Variants in ROS1 observed in about 807,000 individuals in gnomAD.
ROS1 encodes the protein proto-oncogene tyrosine-protein kinase ROS.
A neutral mutation model predicts 273.5 loss-of-function variants in ROS1; 263 were observed. The ratio of observed to expected loss-of-function variants is 0.96; its 90% CI spans 0.87 to 1.06. The LOEUF (loss-of-function observed/expected upper bound fraction) is 1.06. Among genes scored for constraint, ROS1 ranks in the 50% least tolerant of loss-of-function variants. ROS1 has a pLI of 0.00. For missense variants in ROS1, 2,833 were observed against 2,751.1 expected (o/e 1.03, Z -0.67); for synonymous variants, 1,008 against 954.1 (o/e 1.06, Z -1.04).
At chr6:117,415,097 C>A (rs1775239011) in intron 3 of ROS1, among the ~76,000 whole-genome samples, 1 of 152,160 alleles carries the variant, frequency 6.6e-6, no homozygotes, top group Non-Finnish European at 1.5e-5. Context: ...GCATCCTGCC[C>A]CAACACAGCT....
At chr6:117,375,229 G>A (rs1470407918) in intron 18 of ROS1, among the ~76,000 whole-genome samples, 10 of 152,228 alleles carry the variant, frequency 6.6e-5, no homozygotes, top group Non-Finnish European at 1.5e-5. Context: ...TCATAAGTGG[G>A]AGTTAGGCTG....
chr6:117,406,743 T>A (rs1774435967), intron 5 of ROS1, among the ~76,000 whole-genome samples: 1 of 152,202 alleles, frequency 6.6e-6, no homozygotes, highest in African/African-American at 2.4e-5. Context: ...GTGTTAATAG[T>A]CAATTTGGTA....
At chr6:117,305,130 G>C (rs1775007541) in intron 42 of ROS1, among the ~76,000 whole-genome samples, 1 of 152,106 alleles carries the variant, frequency 6.6e-6, no homozygotes. Flanking sequence ...CCTGATAGTA[G>C]TGTGAGAATG....
intron 5 of ROS1, among the ~76,000 whole-genome samples, chr6:117,405,973 C>T (rs372264143): frequency 1.1e-4 from 17 of 152,236 alleles, no homozygotes; most frequent in East Asian, 3.9e-4. Flanking sequence ...AAGTGGTCAA[C>T]TCATAAATGC....
At chr6:117,323,987 T>C (rs1345926942) in intron 35 of ROS1, among the ~76,000 whole-genome samples, 5 of 152,196 alleles carry the variant, frequency 3.3e-5, no homozygotes, top group Admixed American at 2.6e-4. Context: ...GTTATTTTTC[T>C]TTTATTTATT....
chr6:117,329,552 A>C, intron 32 of ROS1, 106 bp from the exon 33 acceptor site: 1 of 641,024 alleles, frequency 1.6e-6, no homozygotes, highest in Non-Finnish European at 2.7e-6. Flanking sequence ...CATTAAAGAA[A>C]TATTCAGAGG....
At chr6:117,342,302 T>C in intron 29 of ROS1, 98 bp downstream of exon 29, 1 of 1,201,156 alleles carries the variant, frequency 8.3e-7, no homozygotes, top group South Asian at 1.4e-5. Flanking sequence ...CTTACTAAAA[T>C]TACTTCGCAT....
At position 117,288,377 on chromosome 6, in the gene ROS1, AT is replaced by A. The variant is rs758177980; in HGVS notation, c.*114del. Reference sequence around the variant, plus strand: ...CAAGATTAGAAATCAGGAACGTTGCATTGTTTATTTGGAGTTATAGACCACC... The same window carrying A: ...CAAGATTAGAAATCAGGAACGTTGCATGTTTATTTGGAGTTATAGACCACC... On this transcript the variant is annotated 3_prime_UTR_variant, in exon 44 of 44. Coordinates refer to ENST00000368507, the MANE Select transcript of ROS1 (RefSeq NM_001378902.1). 48 of 981,442 alleles carry A rather than the reference AT, an allele frequency of 4.9e-5. No individual in the cohort carries two copies. Among genetic ancestry groups the A allele is most frequent in the Non-Finnish European group, 6.3e-5 (42 of 663,676 alleles). The allele number at this position is 981,442 out of a possible 1,614,324, so 60.8% of individuals were successfully genotyped here.
chr6:117,311,036 T>C lies in ROS1; in HGVS notation c.6199A>G (p.Met2067Val). Residue 2067 changes from methionine to valine, a missense_variant, in exon 40 of 44, where the codon ATG (methionine) becomes GTG (valine). Met to Val is a conservative substitution (Grantham distance 21). Coordinates refer to ENST00000368507, the MANE Select transcript of ROS1 (RefSeq NM_001378902.1). Reference sequence around the variant, plus strand: ...GAATTGTACCTGTGAATGAAATGCATCCGTTCCAAGTAGACACAGCCTTTT... The same window carrying C: ...GAATTGTACCTGTGAATGAAATGCACCCGTTCCAAGTAGACACAGCCTTTT... ...ISKGCVYLER[M>V]HFIHRDLAAR... 2.5e-6 allele frequency: 4 copies of C among 1,608,856 alleles called. No homozygotes were observed. The highest frequency in any genetic ancestry group is 3.4e-6 in the Non-Finnish European group (4 of 1,176,548).
Position 117,403,197 on chromosome 6 carries a change from T to C in ROS1, c.546A>G (p.Thr182=), listed in dbSNP as rs775403223. 1.1e-5 allele frequency: 18 copies of C among 1,612,900 alleles called. No individual in the cohort carries two copies. The highest frequency in any genetic ancestry group is 1.5e-5 in the Non-Finnish European group (18 of 1,179,750). The change falls in exon 7 of 44, where the codon ACA becomes ACG. Residue 182 remains threonine (T), a synonymous_variant. Transcript: ENST00000368507. ...EYIFRVVWIF[T]AQLQLYSPPS... is the part of the protein sequence containing the mutation. Reference sequence around the variant, plus strand: ...GAGGGGAGTAGAGCTGCAGCTGCGCTGTGAAGATCCAAACCACTCGGAAAA... The same window carrying C: ...GAGGGGAGTAGAGCTGCAGCTGCGCCGTGAAGATCCAAACCACTCGGAAAA...
rs1320046867 is a variant in ROS1, at chr6:117,341,266, G to C, written c.4930C>G (p.Pro1644Ala). ...SEEMWCTESH[P>A]VTVEMFNTPE... is the part of the protein sequence containing the mutation. ...GTGTTAAACATTTCCACAGTGACAG[G>C]ATGACTCTCTGTACACCACATTTCC... The change falls in exon 31 of 44, where the codon CCT (proline) becomes GCT (alanine). Residue 1644 changes from proline (P) to alanine (A), a missense_variant. Transcript: ENST00000368507. 1 of 1,613,470 alleles carries C rather than the reference G, an allele frequency of 6.2e-7. No individual in the cohort carries two copies. The highest frequency in any genetic ancestry group is 1.3e-5 in the African/African-American group (1 of 74,892).
At position 117,337,216 on chromosome 6, in the gene ROS1, G is replaced by A. The variant is rs375957426; in HGVS notation, c.5186C>T (p.Thr1729Met). The A allele has an allele frequency of 1.1e-5, 18 of 1,612,228 alleles. No homozygotes were observed. Among genetic ancestry groups the A allele is most frequent in the East Asian group, 1.1e-4 (5 of 44,796 alleles). ...YNVRVVVVYK[T>M]GENSTSLPES... ...TGGAAGTGAGGTGCTATTTTCTCCC[G>A]TCTTATAAACCACCACTACTCTGAC... Residue 1729 changes from threonine (T) to methionine (M), a missense_variant, in exon 32 of 44, where the codon ACG becomes ATG. Transcript: ENST00000368507.
At chr6:117,343,644 T>G (rs1303909255) in intron 28 of ROS1, among the ~76,000 whole-genome samples, 1 of 152,232 alleles carries the variant, frequency 6.6e-6, no homozygotes, top group East Asian at 1.9e-4. Context: ...GTACAATTTT[T>G]ATATTAGATA....
At chr6:117,425,420 C>T in intron 1 of ROS1, 114 bp downstream of exon 1, 1 of 1,045,554 alleles carries the variant, frequency 9.6e-7, no homozygotes, top group South Asian at 1.9e-5. Flanking sequence ...CTTGTTGCCA[C>T]CACTTCTCAT....
chr6:117,386,333 GC>G (rs1772576542), intron 15 of ROS1, among the ~76,000 whole-genome samples: 1 of 152,140 alleles, frequency 6.6e-6, no homozygotes, highest in Non-Finnish European at 1.5e-5. Context: ...ACTTTTAATG[GC>G]CAAATAAATC....
intron 42 of ROS1, among the ~76,000 whole-genome samples, chr6:117,302,838 T>C (rs983662047): frequency 2.0e-5 from 3 of 152,198 alleles, no homozygotes; most frequent in African/African-American, 7.2e-5. Flanking sequence ...TCTCCCAAAC[T>C]AGGGGTGACT....
Position 117,341,301 on chromosome 6 carries a change from C to T in ROS1, c.4895G>A (p.Cys1632Tyr), listed in dbSNP as rs147104879. The T allele has an allele frequency of 6.1e-5, 98 of 1,612,586 alleles. 2 individuals carry two copies. The Middle Eastern group carries it at 8.3e-4, about 14-fold the overall frequency. ...GNIYVLKVLA[C>Y]HSEEMWCTES... is the part of the protein sequence containing the mutation. The stretch of plus-strand genomic sequence containing the variant: ...TGTACACCACATTTCCTCAGAGTGG[C>T]AGGCAAGAACCTTTTGGTAAAAAAG... The change falls in exon 31 of 44, where the codon TGC becomes TAC. Residue 1632 changes from cysteine to tyrosine, a missense_variant. By Grantham distance (194) the Cys-to-Tyr change is radical. Coordinates refer to ENST00000368507, the MANE Select transcript of ROS1 (RefSeq NM_001378902.1).
Position 117,321,305 on chromosome 6 carries a change from C to G in ROS1, c.5713G>C (p.Gly1905Arg), listed in dbSNP as rs2128563388. The G allele has an allele frequency of 3.7e-6, 6 of 1,613,848 alleles. 1 individual carries two copies. The South Asian group carries it at 5.5e-5, about 15-fold the overall frequency. Residue 1905 changes from glycine (G) to arginine (R), a missense_variant, in exon 36 of 44, where the codon GGT (glycine) becomes CGT (arginine). By Grantham distance (125) the Gly-to-Arg change is moderately radical (BLOSUM62 -2). Coordinates refer to ENST00000368507, the MANE Select transcript of ROS1 (RefSeq NM_001378902.1). ...NEDKELAELR[G>R]LAAGVGLANA... ...GCCAGGCCTACTCCGGCTGCCAGAC[C>G]TCGCAGCTCAGCCAACTCTTTGTCT... is the stretch of plus-strand genomic sequence containing the variant.
intron 12 of ROS1, among the ~76,000 whole-genome samples, chr6:117,391,574 A>G (rs750265506): frequency 2.6e-5 from 4 of 152,226 alleles, no homozygotes; most frequent in South Asian, 2.1e-4. Context: ...TATTTCTAAT[A>G]CCAGGACAAT....
Sources: allele counts gnomAD v4.1 joint callset (sites outside exome capture counted in the v4.1 genomes callset), GRCh38; gene constraint gnomAD v4.1.1; transcripts MANE v1.5; gene names NCBI Gene and HGNC (gene_info 2026-07-23, HGNC 2026-07-21).